The following NAALADL2 variants were observed in gnomAD, a reference collection of about 807,000 sequenced individuals.
The protein encoded by NAALADL2 is inactive N-acetylated-alpha-linked acidic dipeptidase-like protein 2.
NAALADL2 carries 76 observed loss-of-function variants against 87.2 expected under a neutral mutation model. That is an observed-to-expected ratio of 0.87 (90% CI 0.72 to 1.05). The LOEUF is 1.05. Among genes scored for constraint, NAALADL2 ranks in the 50% least tolerant of loss-of-function variants. The pLI is 0.00. For synonymous variants in NAALADL2, 354 were observed against 331.0 expected (o/e 1.07, Z -0.75); for missense variants, 1,089 against 945.8 (o/e 1.15, Z -1.99).
At chr3:175,764,891 TG>T (rs1217427305) in intron 13 of NAALADL2, among the ~76,000 whole-genome samples, 8 of 152,096 alleles carry the variant, frequency 5.3e-5, no homozygotes, top group Non-Finnish European at 1.5e-5. Flanking sequence ...TAATTAGAGT[TG>T]GTTATGTAAG....
intron 1 of NAALADL2, among the ~76,000 whole-genome samples, chr3:174,866,787 G>A (rs1727200956): frequency 6.6e-6 from 1 of 151,630 alleles, no homozygotes; most frequent in Non-Finnish European, 1.5e-5. Context: ...TTATATGTAG[G>A]TAAATAGGAA....
At chr3:174,615,379 T>C (rs1221251012) in intron 2 of NAALADL2, among the ~76,000 whole-genome samples, 2 of 152,184 alleles carry the variant, frequency 1.3e-5, no homozygotes, top group Non-Finnish European at 2.9e-5. Flanking sequence ...GAAATGTTAG[T>C]TGTGTCAGCA....
Position 175,803,027 on chromosome 3 carries a change from G to GA in NAALADL2, c.2216dup (p.Thr740AspfsTer21), listed in dbSNP as rs751596819. 6.2e-7 allele frequency: 1 copy of GA among 1,611,630 alleles called. No individual in the cohort carries two copies. Among genetic ancestry groups the GA allele is most frequent in the East Asian group, 2.2e-5 (1 of 44,814 alleles). ...CAGAAACATCCTCTACCACCTTGAT[G>GA]AAAAGACAAGCCGGTTTTCAATACT... On this transcript the variant is annotated frameshift_variant, in exon 14 of 14. Transcript: ENST00000454872. LOFTEE classifies it high-confidence loss of function.
At chr3:175,642,637 A>G (rs2149763752) in intron 11 of NAALADL2, among the ~76,000 whole-genome samples, 1 of 152,182 alleles carries the variant, frequency 6.6e-6, no homozygotes, top group East Asian at 1.9e-4. Context: ...AGTAGCTGGA[A>G]CTACAGGCAC....
chr3:174,509,115 T>C (rs1340428008), intron 1 of NAALADL2, among the ~76,000 whole-genome samples: 1 of 150,930 alleles, frequency 6.6e-6, no homozygotes, highest in Non-Finnish European at 1.5e-5. Context: ...TTTTTTTTTC[T>C]TTTTCCTGCC....
intron 2 of NAALADL2, among the ~76,000 whole-genome samples, chr3:175,232,170 A>G (rs1003877461): frequency 1.3e-5 from 2 of 151,454 alleles, no homozygotes; most frequent in Admixed American, 6.6e-5. Context: ...GGGGAGGAGG[A>G]GGAGAAGGAG....
chr3:174,837,308 G>C (rs570816031), intron 3 of NAALADL2, among the ~76,000 whole-genome samples: 9 of 152,302 alleles, frequency 5.9e-5, no homozygotes, highest in African/African-American at 2.2e-4. Context: ...TGAAACGGTA[G>C]AGATTACAAC....
intron 9 of NAALADL2, among the ~76,000 whole-genome samples, chr3:175,487,209 T>C (rs1727405244): frequency 6.6e-6 from 1 of 152,160 alleles, no homozygotes; most frequent in Admixed American, 6.5e-5. Context: ...ACCCACCTCA[T>C]CTACCTTCTG....
At chr3:174,546,165 A>G (rs956003285) in intron 1 of NAALADL2, among the ~76,000 whole-genome samples, 1 of 151,924 alleles carries the variant, frequency 6.6e-6, no homozygotes, top group Admixed American at 6.6e-5. Context: ...AGGCCTTTCC[A>G]TTTTTAGTTA....
At chr3:174,574,309 T>C (rs1228532008) in intron 2 of NAALADL2, among the ~76,000 whole-genome samples, 1 of 152,168 alleles carries the variant, frequency 6.6e-6, no homozygotes, top group Non-Finnish European at 1.5e-5. Context: ...TTCTAACTTA[T>C]ACTGTGTTTT....
intron 1 of NAALADL2, among the ~76,000 whole-genome samples, chr3:174,903,295 TAAG>T (rs1014574082): frequency 3.9e-5 from 6 of 152,082 alleles, no homozygotes; most frequent in Non-Finnish European, 8.8e-5. Flanking sequence ...TTTATAGTAA[TAAG>T]AAGACGCAAT....
chr3:175,078,983 GT>G (rs1384933697), intron 1 of NAALADL2, among the ~76,000 whole-genome samples: 3 of 152,176 alleles, frequency 2.0e-5, no homozygotes, highest in African/African-American at 7.2e-5. Context: ...GTAACACAAT[GT>G]TTAACTTTTT....
chr3:174,779,614 G>C (rs532877625), intron 3 of NAALADL2, among the ~76,000 whole-genome samples: 1 of 152,108 alleles, frequency 6.6e-6, no homozygotes, highest in East Asian at 1.9e-4. Flanking sequence ...TAGGTCTTAC[G>C]TTTAAGTCTT....
At chr3:174,449,997 C>CAT (rs1328096154) in intron 1 of NAALADL2, among the ~76,000 whole-genome samples, 1 of 149,132 alleles carries the variant, frequency 6.7e-6, no homozygotes, top group East Asian at 2.0e-4. Flanking sequence ...TATACACACA[C>CAT]ATATATATAC....
intron 1 of NAALADL2, among the ~76,000 whole-genome samples, chr3:175,067,152 C>T (rs1191363496): frequency 6.6e-6 from 1 of 152,028 alleles, no homozygotes; most frequent in Non-Finnish European, 1.5e-5. Flanking sequence ...TAGAAGAAAA[C>T]ATAGGAGACA....
intron 1 of NAALADL2, among the ~76,000 whole-genome samples, chr3:174,442,457 C>T (rs1714733922): frequency 6.6e-6 from 1 of 152,054 alleles, no homozygotes; most frequent in South Asian, 2.1e-4. Context: ...AAAGTAACTC[C>T]TCTTAATAAG....
chr3:174,995,611 ATGAGTAACGGAAT>A (rs1427182434), intron 1 of NAALADL2, among the ~76,000 whole-genome samples: 1 of 152,186 alleles, frequency 6.6e-6, no homozygotes, highest in Non-Finnish European at 1.5e-5. Flanking sequence ...ACAACAGGTA[ATGAGTAACGGAAT>A]TGTTCATAGT....
intron 1 of NAALADL2, among the ~76,000 whole-genome samples, chr3:174,862,200 C>T (rs1726590059): frequency 6.6e-6 from 1 of 151,892 alleles, no homozygotes; most frequent in African/African-American, 2.4e-5. Flanking sequence ...GCTTTCTAAG[C>T]ATTGTTATTT....
intron 1 of NAALADL2, among the ~76,000 whole-genome samples, chr3:174,971,711 T>C (rs1743679421): frequency 6.7e-6 from 1 of 149,086 alleles, no homozygotes; most frequent in South Asian, 2.1e-4. Context: ...GTTTAGTTTG[T>C]TTTTGAGACG....
Sources: gnomAD v4.1 joint callset for allele counts (sites outside exome capture counted in the v4.1 genomes callset) on GRCh38, gnomAD v4.1.1 for gene constraint, MANE v1.5 for transcripts, NCBI Gene and HGNC (gene_info 2026-07-23, HGNC 2026-07-21) for gene names.